The following SVBP variants were observed in gnomAD, a reference collection of about 807,000 sequenced individuals.
SVBP encodes small vasohibin binding protein.
Under a neutral mutation model 9.2 loss-of-function variants are expected in SVBP, and 9 were observed. The ratio of observed to expected loss-of-function variants is 0.98; its 90% CI spans 0.59 to 1.71. SVBP has a LOEUF of 1.71. Among genes scored for constraint, SVBP ranks in the 40% most tolerant of loss-of-function variants. The pLI is 0.00. For missense variants in SVBP, 63 were observed against 73.2 expected (o/e 0.86, Z 0.51); for synonymous variants, 27 against 23.9 (o/e 1.13, Z -0.37).
In SVBP at chr1:42,817,323, C is replaced by A; in HGVS notation, c.-170G>T. On this transcript the variant is annotated 5_prime_UTR_variant, in exon 1 of 3. Transcript: ENST00000372521. ...CCACCGCCCCTCGTCCTGGGCGGGG[C>A]CGCGCGCCGGGGGGAGGGGCGCAGG... 1 of 1,104,498 alleles carries A rather than the reference C, an allele frequency of 9.1e-7. No homozygotes were observed. The highest frequency in any genetic ancestry group is 1.5e-5 in the South Asian group (1 of 66,886). 68.4% of individuals were successfully genotyped at this position (1,104,498 alleles called of 1,614,324 possible).
intron 2 of SVBP, among the ~76,000 whole-genome samples, chr1:42,808,795 C>CTG (rs1447776531): frequency 6.6e-6 from 1 of 152,056 alleles, no homozygotes; most frequent in Non-Finnish European, 1.5e-5. Flanking sequence ...CTCCCAAGTT[C>CTG]AAGCATTTCT....
intron 2 of SVBP, among the ~76,000 whole-genome samples, chr1:42,814,283 G>A (rs1296239144): frequency 6.6e-6 from 1 of 151,388 alleles, no homozygotes; most frequent in Non-Finnish European, 1.5e-5. Context: ...TCACCATGTT[G>A]GCCAGGATGG....
intron 2 of SVBP, among the ~76,000 whole-genome samples, chr1:42,815,911 T>C (rs1476720297): frequency 6.6e-6 from 1 of 152,228 alleles, no homozygotes; most frequent in East Asian, 1.9e-4. Flanking sequence ...AGATTTTCCC[T>C]GACATTAAAT....
intron 2 of SVBP, chr1:42,809,089 G>A (rs1190749479): frequency 6.6e-6 from 1 of 152,226 alleles, no homozygotes; most frequent in Non-Finnish European, 1.5e-5. Context: ...AGCAGGCAGT[G>A]GTGATGGAAA....
intron 2 of SVBP, among the ~76,000 whole-genome samples, chr1:42,810,062 A>G (rs1654044847): frequency 6.6e-6 from 1 of 151,848 alleles, no homozygotes; most frequent in Non-Finnish European, 1.5e-5. Context: ...TTTATTCTTA[A>G]GCCACATACA....
chr1:42,817,099 G>A, intron 1 of SVBP, 91 bp downstream of exon 1: 2 of 589,138 alleles, frequency 3.4e-6, no homozygotes, highest in Non-Finnish European at 4.4e-6. Flanking sequence ...CCCGGCCCCA[G>A]GGGACGGCCC....
At chr1:42,813,986 T>C (rs760779376) in intron 2 of SVBP, 4 of 182,444 alleles carry the variant, frequency 2.2e-5, no homozygotes, top group Admixed American at 5.9e-5. Context: ...CTGCCTCCCC[T>C]TGCTGGAATG....
At chr1:42,807,981 A>G (rs1653995574) in intron 2 of SVBP, among the ~76,000 whole-genome samples, 1 of 151,684 alleles carries the variant, frequency 6.6e-6, no homozygotes, top group South Asian at 2.1e-4. Flanking sequence ...AAGCATGCCA[A>G]TATAAAGGAT....
chr1:42,813,524 T>A (rs1258786933), intron 2 of SVBP: 1 of 535,790 alleles, frequency 1.9e-6, no homozygotes, highest in Non-Finnish European at 3.8e-6. Flanking sequence ...GGTAAATTTA[T>A]AATTTCTTCA....
At chr1:42,817,077 C>T (rs947563037) in intron 1 of SVBP, 113 bp downstream of exon 1, 1 of 565,364 alleles carries the variant, frequency 1.8e-6, no homozygotes, top group African/African-American at 2.1e-5. Flanking sequence ...CCCCCGACCC[C>T]GCCCCGGCCC....
Position 42,817,300 on chromosome 1 carries a change from A to C in SVBP, c.-147T>G. 1 of 1,194,610 alleles carries C rather than the reference A, an allele frequency of 8.4e-7. No individual in the cohort carries two copies. Among genetic ancestry groups the C allele is most frequent in the Non-Finnish European group, 1.1e-6 (1 of 928,704 alleles). The allele number at this position is 1,194,610 out of a possible 1,614,324, so 74.0% of individuals were successfully genotyped here. A position where few individuals can be genotyped will look rare whatever the true frequency, so the allele number is the denominator to read the frequency against. ...CCACTGGACCCAGCGCTGCCTGCCC[A>C]CCGCCCCTCGTCCTGGGCGGGGCCG... is the stretch of plus-strand genomic sequence containing the variant. On this transcript the variant is annotated 5_prime_UTR_variant, in exon 1 of 3. Coordinates refer to ENST00000372521, the MANE Select transcript of SVBP (RefSeq NM_199342.4).
intron 2 of SVBP, among the ~76,000 whole-genome samples, chr1:42,809,567 G>A (rs994151460): frequency 1.3e-5 from 2 of 152,134 alleles, no homozygotes; most frequent in African/African-American, 2.4e-5. Context: ...TATGAACTCC[G>A]TGCCAACACA....
chr1:42,816,812 C>T (rs1654224798), intron 1 of SVBP: 3 of 408,102 alleles, frequency 7.4e-6, no homozygotes, highest in African/African-American at 4.1e-5. Flanking sequence ...TTTCTGTCTG[C>T]AAAATGGGTT....
chr1:42,817,237 A>G lies in SVBP; in HGVS notation c.-84T>C. 8.0e-7 allele frequency: 1 copy of G among 1,255,372 alleles called. No homozygotes were observed. The highest frequency in any genetic ancestry group is 1.0e-6 in the Non-Finnish European group (1 of 973,568). The allele number at this position is 1,255,372 out of a possible 1,614,324, so 77.8% of individuals were successfully genotyped here. A position where few individuals can be genotyped will look rare whatever the true frequency, so the allele number is the denominator to read the frequency against. On this transcript the variant is annotated 5_prime_UTR_variant, in exon 1 of 3. Coordinates refer to ENST00000372521, the MANE Select transcript of SVBP (RefSeq NM_199342.4). ...AGTTGGAGCCTCCGCCGAGTCGCAG[A>G]CAACGCCTCCGGGAGGGTAATCCTC...
intron 2 of SVBP, among the ~76,000 whole-genome samples, chr1:42,814,289 G>A (rs1654150016): frequency 6.6e-6 from 1 of 151,658 alleles, no homozygotes; most frequent in Non-Finnish European, 1.5e-5. Flanking sequence ...TGTTGGCCAG[G>A]ATGGTCTCAA....
Position 42,807,378 on chromosome 1 carries a change from A to C in SVBP, c.*36T>G. On this transcript the variant is annotated 3_prime_UTR_variant, in exon 3 of 3. Transcript: ENST00000372521. ...CTTAAAACTGGCAACACCCTCTCAA[A>C]GCTCTCAGGATCCCATCTGGTTTGA... is the stretch of plus-strand genomic sequence containing the variant. The C allele has an allele frequency of 8.5e-6, 13 of 1,530,714 alleles. No individual in the cohort carries two copies. The highest frequency in any genetic ancestry group is 1.1e-5 in the Non-Finnish European group (12 of 1,104,598). The allele number at this position is 1,530,714 out of a possible 1,614,324, so 94.8% of individuals were successfully genotyped here. A position where few individuals can be genotyped will look rare whatever the true frequency, so the allele number is the denominator to read the frequency against.
At chr1:42,816,824 A>G in intron 1 of SVBP, 1 of 361,774 alleles carries the variant, frequency 2.8e-6, no homozygotes, top group Non-Finnish European at 5.1e-6. Flanking sequence ...AAATGGGTTA[A>G]GTGTTTTCCT....
chr1:42,815,317 T>A (rs991433421), intron 2 of SVBP, among the ~76,000 whole-genome samples: 2 of 151,002 alleles, frequency 1.3e-5, no homozygotes, highest in African/African-American at 2.4e-5. Context: ...TGTATACATA[T>A]GTAACAAACC....
chr1:42,813,338 G>A (rs576237432), intron 2 of SVBP: 36 of 330,028 alleles, frequency 1.1e-4, no homozygotes, highest in African/African-American at 5.7e-4. Context: ...AAATTTTGAC[G>A]TTGGTTCTTC....
Sources: gnomAD v4.1 joint callset for allele counts (sites outside exome capture counted in the v4.1 genomes callset) on GRCh38, gnomAD v4.1.1 for gene constraint, MANE v1.5 for transcripts, NCBI Gene and HGNC (gene_info 2026-07-23, HGNC 2026-07-21) for gene names.